The following C8orf88 variants were observed in gnomAD, a reference collection of about 807,000 sequenced individuals.
The protein encoded by C8orf88 is uncharacterized protein C8orf88.
C8orf88 carries 14 observed loss-of-function variants against 18.4 expected under a neutral mutation model. The observed-to-expected ratio is 0.76, with a 90% CI of 0.50 to 1.19. The LOEUF (loss-of-function observed/expected upper bound fraction) is 1.19, where lower values mean the gene tolerates loss of function less well. Among genes scored for constraint, C8orf88 ranks in the 50% most tolerant of loss-of-function variants. The probability of loss-of-function intolerance (pLI) is 0.00; values close to 1 mark genes in which losing one functional copy is unlikely to be tolerated. For synonymous variants in C8orf88, 45 were observed against 42.9 expected (o/e 1.05, Z -0.19); for missense variants, 116 against 134.7 (o/e 0.86, Z 0.69).
chr8:90,976,624 T>G (rs1047631554), intron 3 of C8orf88, among the ~76,000 whole-genome samples: 7 of 151,900 alleles, frequency 4.6e-5, no homozygotes, highest in Admixed American at 6.6e-5. Context: ...GATACAAAAA[T>G]GATCACTAGA....
At chr8:90,981,028 C>A (rs756902207) in intron 1 of C8orf88, among the ~76,000 whole-genome samples, 1 of 152,260 alleles carries the variant, frequency 6.6e-6, no homozygotes, top group African/African-American at 2.4e-5. Flanking sequence ...TCTATGCTCA[C>A]GGCTGCAACC....
intron 3 of C8orf88, among the ~76,000 whole-genome samples, chr8:90,972,167 T>C (rs1811293018): frequency 6.6e-6 from 1 of 152,074 alleles, no homozygotes; most frequent in Non-Finnish European, 1.5e-5. Context: ...CTGTGAATGC[T>C]AACTACTCCA....
chr8:90,968,399 T>A (rs1484228467), intron 4 of C8orf88, among the ~76,000 whole-genome samples: 1 of 151,498 alleles, frequency 6.6e-6, no homozygotes, highest in Non-Finnish European at 1.5e-5. Flanking sequence ...GAAGTTGGAC[T>A]TTTATTTCCC....
chr8:90,972,800 T>C (rs1811301954), intron 3 of C8orf88, among the ~76,000 whole-genome samples: 1 of 152,174 alleles, frequency 6.6e-6, no homozygotes, highest in Non-Finnish European at 1.5e-5. Flanking sequence ...TATGTAAATT[T>C]GTGAAGGGTA....
At chr8:90,978,934 T>C (rs1381287803) in intron 2 of C8orf88, among the ~76,000 whole-genome samples, 2 of 152,152 alleles carry the variant, frequency 1.3e-5, no homozygotes, top group African/African-American at 4.8e-5. Flanking sequence ...GCAGTATGCT[T>C]ATTGAGAGAT....
chr8:90,963,356 T>C (rs187523467), intron 4 of C8orf88, among the ~76,000 whole-genome samples: 1 of 151,704 alleles, frequency 6.6e-6, no homozygotes, highest in Non-Finnish European at 1.5e-5. Context: ...GAAGAAAATC[T>C]GACTTCCAGA....
At chr8:90,967,892 A>T (rs1197975064) in intron 4 of C8orf88, among the ~76,000 whole-genome samples, 1 of 151,768 alleles carries the variant, frequency 6.6e-6, no homozygotes, top group Admixed American at 6.6e-5. Context: ...TGTACACTGA[A>T]AACTGTAAAA....
rs1811195720 is a variant in C8orf88 at position 90,966,315 on chromosome 8, G to C, written c.223+4751C>G. ...GGGAACTGAACAATGAGAACACATG[G>C]ACACAGGAAGGGGAACATCACACTT... On this transcript the variant is annotated intron_variant, in intron 4 of 5. Coordinates refer to ENST00000517562, the MANE Select transcript of C8orf88 (RefSeq NM_001190972.2). Among the ~76,000 whole-genome samples, 5 of 131,342 alleles carry C rather than the reference G, an allele frequency of 3.8e-5. No homozygotes were observed. The Admixed American group carries it at 4.5e-4, about 12-fold the overall frequency. 86.2% of individuals were successfully genotyped at this position (131,342 alleles called of 152,430 possible).
At chr8:90,968,915 C>T (rs1416490017) in intron 4 of C8orf88, among the ~76,000 whole-genome samples, 1 of 150,804 alleles carries the variant, frequency 6.6e-6, no homozygotes, top group East Asian at 2.0e-4. Flanking sequence ...AAATCAAAAC[C>T]ACAATGAGAT....
intron 3 of C8orf88, among the ~76,000 whole-genome samples, chr8:90,972,212 G>A (rs1243574433): frequency 1.3e-5 from 2 of 151,972 alleles, no homozygotes; most frequent in East Asian, 3.9e-4. Context: ...CTAATGCTAT[G>A]ACACAATAAA....
chr8:90,960,866 C>G lies in C8orf88; in HGVS notation c.224-18G>C. On this transcript the variant is annotated intron_variant, in intron 4 of 5. Coordinates refer to ENST00000517562, the MANE Select transcript of C8orf88 (RefSeq NM_001190972.2). ...AATTCTCTCTGTAGATATTAAACAT[C>G]AAATATAATGTTAGGAAATGTAGGG... is the stretch of plus-strand genomic sequence containing the variant. 1 of 1,398,482 alleles carries G rather than the reference C, an allele frequency of 7.2e-7. No individual in the cohort carries two copies. Among genetic ancestry groups the G allele is most frequent in the Non-Finnish European group, 9.8e-7 (1 of 1,023,060 alleles). The allele number at this position is 1,398,482 out of a possible 1,614,324, so 86.6% of individuals were successfully genotyped here.
chr8:90,977,228 A>G (rs1009544554), intron 3 of C8orf88, among the ~76,000 whole-genome samples: 1 of 152,190 alleles, frequency 6.6e-6, no homozygotes, highest in African/African-American at 2.4e-5. Flanking sequence ...AAAACCAACC[A>G]AAATATATAA....
At chr8:90,977,262 A>G (rs900658858) in intron 3 of C8orf88, among the ~76,000 whole-genome samples, 1 of 152,204 alleles carries the variant, frequency 6.6e-6, no homozygotes, top group East Asian at 1.9e-4. Flanking sequence ...GTCTCACCCA[A>G]TGTTCAAGTC....
chr8:90,968,700 G>A (rs1811241374), intron 4 of C8orf88, among the ~76,000 whole-genome samples: 1 of 55,726 alleles, frequency 1.8e-5, no homozygotes, highest in Admixed American at 1.5e-4. Flanking sequence ...ACACTGGAAG[G>A]AGAATGGTGG....
chr8:90,980,166 C>T (rs530264596), intron 2 of C8orf88, among the ~76,000 whole-genome samples, 197 bp downstream of exon 2: 1 of 152,298 alleles, frequency 6.6e-6, no homozygotes, highest in South Asian at 2.1e-4. Flanking sequence ...GGTTATTCTT[C>T]CTACTTTTGT....
At position 90,971,511 on chromosome 8, in the gene C8orf88, A is replaced by G. The variant is rs1284426596; in HGVS notation, c.148-370T>C. Among the ~76,000 whole-genome samples the G allele has an allele frequency of 2.0e-5, 3 of 152,234 alleles. No individual in the cohort carries two copies. The East Asian group carries it at 5.8e-4, about 29-fold the overall frequency. ...CATTTTTATTCACAAAAATTCTGCA[A>G]TAATACTAGAGTATTTACTTTTTTA... On this transcript the variant is annotated intron_variant, in intron 3 of 5. Transcript: ENST00000517562.
intron 4 of C8orf88, among the ~76,000 whole-genome samples, chr8:90,963,013 A>G (rs745623385): frequency 4.0e-5 from 6 of 151,618 alleles, no homozygotes; most frequent in Non-Finnish European, 7.4e-5. Flanking sequence ...TTCACAGAAA[A>G]ACTTGAGAAG....
rs3830308 is a variant in C8orf88 at position 90,958,844 on chromosome 8, A to ATTCT, written c.*159_*162dup. On this transcript the variant is annotated 3_prime_UTR_variant, in exon 6 of 6. Transcript: ENST00000517562. ...CTGCAAAGCTGAAACTGATTAGAAAATTCTTTATATTTTAAAATAGCTCTT... is the reference window on the plus strand; with the variant it reads ...CTGCAAAGCTGAAACTGATTAGAAAATTCTTTCTTTATATTTTAAAATAGCTCTT... The ATTCT allele has an allele frequency of 0.15, 75,049 of 510,582 alleles. 11,585 individuals are homozygous for ATTCT. Among genetic ancestry groups the ATTCT allele is most frequent in the African/African-American group, 0.6 (29,167 of 48,254 alleles). The allele number at this position is 510,582 out of a possible 1,614,324, so 31.6% of individuals were successfully genotyped here.
intron 3 of C8orf88, among the ~76,000 whole-genome samples, chr8:90,975,278 C>T (rs1252732276): frequency 6.6e-6 from 1 of 152,058 alleles, no homozygotes; most frequent in Non-Finnish European, 1.5e-5. Flanking sequence ...GGTTTCAAGA[C>T]ATCATAAAGC....
Sources: allele counts gnomAD v4.1 joint callset (sites outside exome capture counted in the v4.1 genomes callset), GRCh38; gene constraint gnomAD v4.1.1; transcripts MANE v1.5; gene names NCBI Gene and HGNC (gene_info 2026-07-23, HGNC 2026-07-21).